Variants in DARS2 observed in about 807,000 individuals in gnomAD.
DARS2 encodes the protein aspartyl-tRNA synthetase 2, mitochondrial.
In DARS2, 63 loss-of-function variants were observed where a neutral mutation model predicts 83.0. The ratio of observed to expected loss-of-function variants is 0.76; its 90% confidence interval spans 0.62 to 0.94. DARS2 has a LOEUF of 0.94. Among genes scored for constraint, DARS2 ranks in the 40% least tolerant of loss-of-function variants. The pLI, the probability that DARS2 is intolerant of heterozygous loss-of-function variation, is 0.00. For missense variants in DARS2, 675 were observed against 774.4 expected, an observed-to-expected ratio of 0.87 and a Z score of 1.52; for synonymous variants, 250 against 269.3, an observed-to-expected ratio of 0.93 and a Z score of 0.70.
Position 173,856,666 on chromosome 1 carries a change from G to A in DARS2, c.1675G>A (p.Glu559Lys). 7 of 1,613,720 alleles carry A rather than the reference G, an allele frequency of 4.3e-6. No homozygotes were observed. The highest frequency in any genetic ancestry group is 5.9e-6 in the Non-Finnish European group (7 of 1,179,740). Residue 559 changes from glutamate to lysine, a missense_variant and splice_region_variant, in exon 16 of 17, where the codon GAG becomes AAG. Coordinates refer to ENST00000649689, the MANE Select transcript of DARS2 (RefSeq NM_018122.5). ...AACTGAATTATCTTTTGAATTTCAG[G>A]AGGATGTGAAAATGCTCTCCCATCT... The part of the protein sequence containing the change: ...QRYILATLLK[E>K]DVKMLSHLLQ...
At chr1:173,828,306 T>C in intron 2 of DARS2, 27 bp from the exon 3 acceptor site, 1 of 1,595,478 alleles carries the variant, frequency 6.3e-7, no homozygotes. Flanking sequence ...TCTTAAAATG[T>C]TTCTTTTCCC....
intron 7 of DARS2, among the ~76,000 whole-genome samples, 181 bp from the exon 8 acceptor site, chr1:173,836,759 A>G (rs1307820987): frequency 6.6e-6 from 1 of 152,216 alleles, no homozygotes; most frequent in Non-Finnish European, 1.5e-5. Context: ...AAAGTCTACT[A>G]TGTCCAAGTC....
intron 15 of DARS2, among the ~76,000 whole-genome samples, chr1:173,855,878 C>T (rs1019129187): frequency 6.7e-6 from 1 of 149,656 alleles, no homozygotes; most frequent in Non-Finnish European, 1.5e-5. Flanking sequence ...CCAGGCTAGT[C>T]TTGAACCCCC....
intron 12 of DARS2, among the ~76,000 whole-genome samples, chr1:173,845,855 C>T (rs577387247): frequency 6.6e-6 from 1 of 152,100 alleles, no homozygotes; most frequent in South Asian, 2.1e-4. Flanking sequence ...AACCCCATCT[C>T]TACTAAAAAT....
intron 3 of DARS2, among the ~76,000 whole-genome samples, 179 bp downstream of exon 3, chr1:173,828,578 G>A (rs1008707199): frequency 7.9e-5 from 12 of 152,116 alleles, no homozygotes; most frequent in African/African-American, 2.9e-4. Context: ...GTAGAATTAG[G>A]AACCCAGGAT....
chr1:173,834,732 GTTTTTTTT>G, intron 7 of DARS2, among the ~76,000 whole-genome samples: 4 of 21,682 alleles, frequency 1.8e-4, no homozygotes, highest in Non-Finnish European at 2.5e-4. Flanking sequence ...GAGTTTTTTT[GTTTTTTTT>G]TTTTTTTTTT....
intron 3 of DARS2, among the ~76,000 whole-genome samples, chr1:173,829,011 A>G (rs1652694842): frequency 6.6e-6 from 1 of 152,228 alleles, no homozygotes; most frequent in African/African-American, 2.4e-5. Flanking sequence ...TATTCTTACA[A>G]TACAATACTC....
At chr1:173,841,909 G>A (rs1653227054) in intron 11 of DARS2, among the ~76,000 whole-genome samples, 1 of 152,156 alleles carries the variant, frequency 6.6e-6, no homozygotes, top group Non-Finnish European at 1.5e-5. Flanking sequence ...TCAGTTGTCT[G>A]TCTATCTCTT....
chr1:173,833,608 G>C (rs1433909736), intron 6 of DARS2, 109 bp downstream of exon 6: 4 of 1,363,150 alleles, frequency 2.9e-6, no homozygotes, highest in Non-Finnish European at 4.1e-6. Context: ...GTTGCCAGAA[G>C]TCTGGAATTC....
intron 7 of DARS2, among the ~76,000 whole-genome samples, chr1:173,835,176 G>A (rs892616891): frequency 6.6e-5 from 10 of 151,530 alleles, no homozygotes; most frequent in South Asian, 6.3e-4. Context: ...ACCTGAATCC[G>A]CCTACTGGAT....
Position 173,857,767 on chromosome 1 carries a change from T to C in DARS2, c.*62T>C. 6.4e-7 allele frequency: 1 copy of C among 1,572,226 alleles called. No individual in the cohort carries two copies. The highest frequency in any genetic ancestry group is 8.7e-7 in the Non-Finnish European group (1 of 1,144,704). ...TTTGTCCTCTTTGCTTCCCCAAGGC[T>C]AAAGTCAGATCTAGAGTTCTGCCAC... On this transcript the variant is annotated 3_prime_UTR_variant, in exon 17 of 17. Transcript: ENST00000649689.
chr1:173,832,829 G>A (rs907923701), intron 5 of DARS2, among the ~76,000 whole-genome samples: 13 of 151,820 alleles, frequency 8.6e-5, no homozygotes, highest in African/African-American at 2.9e-4. Context: ...TACAGCCATG[G>A]AGATTCCATC....
At chr1:173,829,515 C>T (rs919951958) in intron 3 of DARS2, among the ~76,000 whole-genome samples, 3 of 152,034 alleles carry the variant, frequency 2.0e-5, no homozygotes, top group African/African-American at 4.8e-5. Context: ...CATGGTGGCT[C>T]ACACCTGTAA....
intron 2 of DARS2, among the ~76,000 whole-genome samples, chr1:173,827,626 G>A (rs558366911): frequency 5.3e-5 from 8 of 151,700 alleles, no homozygotes; most frequent in African/African-American, 7.3e-5. Context: ...ACGAGACTCC[G>A]TCTCAGGAAA....
chr1:173,845,170 C>A, intron 11 of DARS2, 59 bp from the exon 12 acceptor site: 1 of 982,212 alleles, frequency 1.0e-6, no homozygotes, highest in African/African-American at 1.6e-5. Flanking sequence ...GATCGCATAA[C>A]CATGTTTATG....
intron 13 of DARS2, chr1:173,851,861 A>G: frequency 1.0e-6 from 1 of 985,454 alleles, no homozygotes; most frequent in Non-Finnish European, 1.2e-6. Context: ...TCAGCTTCAA[A>G]GCTAAATGTA....
intron 10 of DARS2, 34 bp from the exon 11 acceptor site, chr1:173,840,832 A>T: frequency 8.6e-7 from 1 of 1,160,654 alleles, no homozygotes; most frequent in Non-Finnish European, 1.3e-6. Context: ...ATTACTTCAT[A>T]TTTAGTTATC....
intron 11 of DARS2, among the ~76,000 whole-genome samples, chr1:173,843,611 AGCTGAGGT>A: frequency 6.6e-6 from 1 of 152,362 alleles, no homozygotes; most frequent in Admixed American, 6.5e-5. Context: ...AACACTCAGT[AGCTGAGGT>A]GCATTAATCA....
At position 173,854,150 on chromosome 1, in the gene DARS2, A is replaced by AT. The variant is rs530616161; in HGVS notation, c.1674+252dup. ...GCCACCATGCCCGGCAAATTTTTTT[A>AT]TTTTTTTGAAGAGATAAGATTTCCC... On this transcript the variant is annotated intron_variant, in intron 15 of 16. Coordinates refer to ENST00000649689, the MANE Select transcript of DARS2 (RefSeq NM_018122.5). 1.2e-3 allele frequency among the ~76,000 whole-genome samples: 178 copies of AT among 151,954 alleles called. 5 individuals carry two copies. The South Asian group carries it at 0.035, about 30-fold the overall frequency.
Sources: gnomAD v4.1 joint callset for allele counts (sites outside exome capture counted in the v4.1 genomes callset) on GRCh38, gnomAD v4.1.1 for gene constraint, MANE v1.5 for transcripts, NCBI Gene and HGNC (gene_info 2026-07-23, HGNC 2026-07-21) for gene names.